The following FRMPD4 variants were observed in gnomAD, a reference collection of about 807,000 sequenced individuals.
The protein encoded by FRMPD4 is FERM and PDZ domain containing 4.
In FRMPD4, 22 loss-of-function variants were observed where a neutral mutation model predicts 94.1. That is an observed-to-expected ratio of 0.23 (90% CI 0.17 to 0.33). The LOEUF (loss-of-function observed/expected upper bound fraction) is 0.33. Among genes scored for constraint, FRMPD4 ranks in the 10% least tolerant of loss-of-function variants. The pLI is 1.00. For synonymous variants in FRMPD4, 631 were observed against 548.6 expected (o/e 1.15, Z -2.10); for missense variants, 1,111 against 1,339.9 (o/e 0.83, Z 2.67).
At chrX:12,129,698 T>C (rs896545691) in intron 3 of FRMPD4, among the ~76,000 whole-genome samples, 14 of 111,642 alleles carry the variant, frequency 1.3e-4, no homozygotes, top group African/African-American at 4.2e-4. Context: ...ACTCAGTAAA[T>C]TGGAAATTAG....
At chrX:12,472,218 C>G (rs909412453) in intron 1 of FRMPD4, among the ~76,000 whole-genome samples, 3 of 112,434 alleles carry the variant, frequency 2.7e-5, no homozygotes, top group African/African-American at 9.7e-5. Context: ...TCAGTGGTAT[C>G]TGGTCAAATC....
At chrX:12,250,472 C>A (rs917620132) in intron 1 of FRMPD4, among the ~76,000 whole-genome samples, 6 of 111,774 alleles carry the variant, frequency 5.4e-5, no homozygotes, top group South Asian at 3.8e-4. Context: ...TATGCAAATA[C>A]TCTACTATAA....
chrX:12,680,140 G>C (rs948804370), intron 5 of FRMPD4, among the ~76,000 whole-genome samples: 2 of 112,140 alleles, frequency 1.8e-5, no homozygotes, highest in African/African-American at 3.2e-5. Flanking sequence ...ACTTCTAAGA[G>C]CATTCAAAAG....
intron 2 of FRMPD4, among the ~76,000 whole-genome samples, chrX:11,876,235 C>G (rs2053784736): frequency 9.0e-6 from 1 of 111,577 alleles, no homozygotes; most frequent in Non-Finnish European, 1.9e-5. Context: ...TAATGAAATA[C>G]CATCACCTGT....
intron 1 of FRMPD4, among the ~76,000 whole-genome samples, chrX:12,309,071 C>G (rs770358559): frequency 2.7e-5 from 3 of 112,406 alleles, no homozygotes; most frequent in Non-Finnish European, 3.8e-5. Context: ...CTATATAATC[C>G]TTGTTGCAGC....
chrX:12,322,211 A>T (rs1249973359), intron 1 of FRMPD4, among the ~76,000 whole-genome samples: 1 of 111,644 alleles, frequency 9.0e-6, no homozygotes, highest in Admixed American at 9.6e-5. Flanking sequence ...CAAATCTGTG[A>T]CCCAGGACTA....
intron 2 of FRMPD4, among the ~76,000 whole-genome samples, chrX:12,577,154 G>A (rs907097891): frequency 9.0e-6 from 1 of 111,417 alleles, no homozygotes; most frequent in African/African-American, 3.3e-5. Context: ...TTAATCCACA[G>A]CTGTTTATTA....
chrX:12,271,106 T>A (rs754150601), intron 1 of FRMPD4, among the ~76,000 whole-genome samples: 1 of 112,080 alleles, frequency 8.9e-6, no homozygotes, highest in South Asian at 3.7e-4. Flanking sequence ...CCATATACAC[T>A]AGGTAATTCC....
At chrX:12,328,008 G>A (rs2055314803) in intron 1 of FRMPD4, among the ~76,000 whole-genome samples, 1 of 110,999 alleles carries the variant, frequency 9.0e-6, no homozygotes, top group Admixed American at 9.6e-5. Flanking sequence ...GCCTTGCTTT[G>A]GCCAATGGAA....
chrX:12,547,493 A>G (rs754215716), intron 2 of FRMPD4, among the ~76,000 whole-genome samples: 2 of 112,314 alleles, frequency 1.8e-5, no homozygotes, highest in East Asian at 5.5e-4. Context: ...ATGTTCATAA[A>G]TCGTCTCATT....
At chrX:12,537,721 C>T (rs1030000273) in intron 2 of FRMPD4, among the ~76,000 whole-genome samples, 2 of 110,004 alleles carry the variant, frequency 1.8e-5, no homozygotes, top group African/African-American at 6.6e-5. Flanking sequence ...ATTCCCCACC[C>T]TTCACCTCAG....
At chrX:12,095,974 C>A (rs1050466699) in intron 3 of FRMPD4, among the ~76,000 whole-genome samples, 1 of 111,815 alleles carries the variant, frequency 8.9e-6, no homozygotes, top group African/African-American at 3.3e-5. Context: ...TCTGCCTTTC[C>A]CTCTGTAAGA....
intron 4 of FRMPD4, among the ~76,000 whole-genome samples, chrX:12,617,583 T>A (rs992666863): frequency 8.0e-5 from 9 of 112,556 alleles, no homozygotes; most frequent in African/African-American, 2.9e-4. Flanking sequence ...AATCCCCTTT[T>A]TACTGGGCTC....
At chrX:11,946,702 C>A (rs2054191442) in intron 3 of FRMPD4, among the ~76,000 whole-genome samples, 1 of 111,137 alleles carries the variant, frequency 9.0e-6, no homozygotes, top group Non-Finnish European at 1.9e-5. Context: ...AGATCACCCT[C>A]CCTGGTATGG....
chrX:12,016,785 A>G, intron 3 of FRMPD4, among the ~76,000 whole-genome samples: 1 of 111,903 alleles, frequency 8.9e-6, no homozygotes. Flanking sequence ...TCCCGACTCC[A>G]TTTCTTCCTC....
In FRMPD4 at chrX:12,706,836, T is replaced by C; in HGVS notation, c.1208T>C (p.Leu403Pro). 8.6e-7 allele frequency: 1 copy of C among 1,169,040 alleles called. No homozygotes were observed. The highest frequency in any genetic ancestry group is 1.2e-6 in the Non-Finnish European group (1 of 859,462). The change falls in exon 12 of 17, where the codon CTA becomes CCA. Residue 403 changes from leucine (L) to proline (P), a missense_variant. Coordinates refer to ENST00000675598, the MANE Select transcript of FRMPD4 (RefSeq NM_001368397.1). ...CTTTTCTCTCCTCAGCTCTCTGCACTACAAGCCAAGGTCCATTATCTCAAG... is the reference window on the plus strand; with the variant it reads ...CTTTTCTCTCCTCAGCTCTCTGCACCACAAGCCAAGGTCCATTATCTCAAG... ...LVPPGKKLSA[L>P]QAKVHYLKFL...
chrX:11,997,120 G>A (rs1329328853), intron 3 of FRMPD4, among the ~76,000 whole-genome samples: 2 of 111,220 alleles, frequency 1.8e-5, no homozygotes, highest in African/African-American at 6.5e-5. Flanking sequence ...GGTGGTGTTA[G>A]GAAACAAGGC....
chrX:12,085,310 C>A (rs2055098743), intron 3 of FRMPD4, among the ~76,000 whole-genome samples: 1 of 111,921 alleles, frequency 8.9e-6, no homozygotes, highest in African/African-American at 3.2e-5. Flanking sequence ...CTGTGAGTAT[C>A]TTTTGAATAC....
chrX:12,501,442 G>GTTT (rs147454207), intron 2 of FRMPD4, among the ~76,000 whole-genome samples: 6 of 94,190 alleles, frequency 6.4e-5, no homozygotes, highest in East Asian at 3.2e-4. Context: ...TCCTTTCCTT[G>GTTT]TTTTTTTTTT....
Sources: allele counts gnomAD v4.1 joint callset (sites outside exome capture counted in the v4.1 genomes callset), GRCh38; gene constraint gnomAD v4.1.1; transcripts MANE v1.5; gene names NCBI Gene and HGNC (gene_info 2026-07-23, HGNC 2026-07-21).